RANBP17: variants seen among roughly 807,000 people sequenced by gnomAD.
RANBP17 encodes the protein ran-binding protein 17.
In RANBP17, 158 loss-of-function variants were observed where a neutral mutation model predicts 141.2. The observed-to-expected ratio is 1.12, with a 90% CI of 0.98 to 1.28. RANBP17 has a LOEUF of 1.28. Ranked by LOEUF, RANBP17 falls within the 50% of genes most tolerant of loss-of-function variation. RANBP17 has a pLI of 0.00. For synonymous variants in RANBP17, 430 were observed against 450.0 expected (o/e 0.96, Z 0.56); for missense variants, 1,438 against 1,290.7 (o/e 1.11, Z -1.75).
intron 22 of RANBP17, among the ~76,000 whole-genome samples, chr5:171,224,096 A>T (rs1561779175): frequency 6.6e-6 from 1 of 152,172 alleles, no homozygotes; most frequent in Non-Finnish European, 1.5e-5. Flanking sequence ...CCTTTCTCTT[A>T]TACTCACCAA....
chr5:171,266,487 G>T (rs1251450902), intron 25 of RANBP17, among the ~76,000 whole-genome samples: 1 of 152,120 alleles, frequency 6.6e-6, no homozygotes, highest in African/African-American at 2.4e-5. Flanking sequence ...AATAGTAACG[G>T]CATGCATAAG....
intron 5 of RANBP17, chr5:170,897,451 G>C (rs1378630685): frequency 2.1e-5 from 8 of 377,428 alleles, no homozygotes; most frequent in Non-Finnish European, 4.0e-5. Flanking sequence ...TACATGTGCA[G>C]AATGTACAGG....
chr5:171,257,211 G>A (rs149124795), intron 24 of RANBP17, among the ~76,000 whole-genome samples: 57 of 152,300 alleles, frequency 3.7e-4, no homozygotes, highest in African/African-American at 1.1e-3. Context: ...GATAGTACAC[G>A]ATGATCAATT....
At chr5:171,041,770 T>C (rs1306467005) in intron 14 of RANBP17, among the ~76,000 whole-genome samples, 2 of 152,236 alleles carry the variant, frequency 1.3e-5, no homozygotes, top group South Asian at 2.1e-4. Flanking sequence ...CTGGGATACA[T>C]GTGCAAGATG....
At chr5:170,868,593 T>C (rs1173532108) in intron 1 of RANBP17, among the ~76,000 whole-genome samples, 1 of 152,188 alleles carries the variant, frequency 6.6e-6, no homozygotes, top group Admixed American at 6.5e-5. Flanking sequence ...ATTTGATAGT[T>C]ACTCTGTGGG....
intron 14 of RANBP17, among the ~76,000 whole-genome samples, chr5:171,000,423 CATACAAAATATGT>C (rs1156971109): frequency 1.3e-5 from 2 of 152,118 alleles, no homozygotes; most frequent in African/African-American, 4.8e-5. Context: ...GTCTTTTATT[CATACAAAATATGT>C]ATAAATTCTG....
intron 23 of RANBP17, among the ~76,000 whole-genome samples, chr5:171,241,556 C>T (rs1274702876): frequency 6.6e-6 from 1 of 152,068 alleles, no homozygotes; most frequent in Non-Finnish European, 1.5e-5. Flanking sequence ...CTTGGAATGG[C>T]TGCATCTCAA....
At chr5:171,006,283 A>G (rs1418711924) in intron 14 of RANBP17, among the ~76,000 whole-genome samples, 1 of 152,230 alleles carries the variant, frequency 6.6e-6, no homozygotes, top group Non-Finnish European at 1.5e-5. Context: ...GCTGCTATAA[A>G]AACACATGCA....
intron 14 of RANBP17, among the ~76,000 whole-genome samples, chr5:171,164,442 C>T (rs1759541002): frequency 6.6e-6 from 1 of 152,070 alleles, no homozygotes; most frequent in East Asian, 1.9e-4. Context: ...TACCTAGTTC[C>T]CTTTTTAAAA....
At chr5:170,999,485 A>G (rs971321825) in intron 14 of RANBP17, among the ~76,000 whole-genome samples, 1 of 152,170 alleles carries the variant, frequency 6.6e-6, no homozygotes, top group East Asian at 1.9e-4. Context: ...CTGTACCTAT[A>G]ATGCTATTAA....
In RANBP17 at chr5:171,283,308, T is replaced by C. The variant is rs146682775; in HGVS notation, c.2944-10575T>C. 1.8e-3 allele frequency among the ~76,000 whole-genome samples: 270 copies of C among 152,332 alleles called. 1 individual carries two copies. Among genetic ancestry groups the C allele is most frequent in the African/African-American group, 5.7e-3 (238 of 41,574 alleles). ...GCTGGGACTGTGACTTGTTCATCTGTATATTCCCAGGGTTTGACACAGAGC... is the reference window on the plus strand; with the variant it reads ...GCTGGGACTGTGACTTGTTCATCTGCATATTCCCAGGGTTTGACACAGAGC... On this transcript the variant is annotated intron_variant, in intron 25 of 27. Transcript: ENST00000523189.
intron 14 of RANBP17, among the ~76,000 whole-genome samples, chr5:171,131,465 A>G (rs1285871155): frequency 6.6e-6 from 1 of 152,204 alleles, no homozygotes. Flanking sequence ...TTATGAATTA[A>G]AAGCAGAGGC....
At chr5:171,038,281 CT>C (rs1406803510) in intron 14 of RANBP17, among the ~76,000 whole-genome samples, 1 of 151,598 alleles carries the variant, frequency 6.6e-6, no homozygotes, top group Non-Finnish European at 1.5e-5. Context: ...ATGCTAGTAA[CT>C]TTTTGTACAT....
At chr5:171,055,546 T>C (rs899424345) in intron 14 of RANBP17, among the ~76,000 whole-genome samples, 2 of 152,168 alleles carry the variant, frequency 1.3e-5, no homozygotes, top group Non-Finnish European at 2.9e-5. Flanking sequence ...TTGATGGAAC[T>C]TTGTTCCAAA....
At chr5:171,224,817 A>T (rs1033587022) in intron 22 of RANBP17, among the ~76,000 whole-genome samples, 6 of 152,198 alleles carry the variant, frequency 3.9e-5, no homozygotes, top group Non-Finnish European at 7.3e-5. Flanking sequence ...GGTAGCTTTC[A>T]CTTTGTTATA....
At chr5:171,042,058 G>T (rs1782285625) in intron 14 of RANBP17, among the ~76,000 whole-genome samples, 1 of 152,034 alleles carries the variant, frequency 6.6e-6, no homozygotes, top group Non-Finnish European at 1.5e-5. Flanking sequence ...CCATGTCCCT[G>T]CAAAGGACAT....
At chr5:171,232,013 G>T (rs899100905) in intron 22 of RANBP17, among the ~76,000 whole-genome samples, 1 of 152,136 alleles carries the variant, frequency 6.6e-6, no homozygotes. Context: ...TATCTTTTAA[G>T]ATTACCTAGC....
intron 18 of RANBP17, among the ~76,000 whole-genome samples, chr5:171,187,730 G>A (rs1367281081): frequency 6.6e-6 from 1 of 152,056 alleles, no homozygotes; most frequent in Non-Finnish European, 1.5e-5. Flanking sequence ...TTTACAGATA[G>A]GCAGTACCTT....
chr5:171,018,683 A>G (rs557894852), intron 14 of RANBP17, among the ~76,000 whole-genome samples: 8 of 152,284 alleles, frequency 5.3e-5, no homozygotes, highest in Admixed American at 4.6e-4. Flanking sequence ...TTCTAAATAT[A>G]AAATCATGTC....
Sources: gnomAD v4.1 joint callset for allele counts (sites outside exome capture counted in the v4.1 genomes callset) on GRCh38, gnomAD v4.1.1 for gene constraint, MANE v1.5 for transcripts, NCBI Gene and HGNC (gene_info 2026-07-23, HGNC 2026-07-21) for gene names.